The following EIF2S3 variants were observed in gnomAD, a reference collection of about 807,000 sequenced individuals.
The protein encoded by EIF2S3 is eukaryotic translation initiation factor 2 subunit 3.
EIF2S3 carries 2 observed loss-of-function variants against 31.7 expected under a neutral mutation model. The observed-to-expected ratio is 0.06, with a 90% CI of 0.03 to 0.20. EIF2S3 has a LOEUF of 0.20. Among genes scored for constraint, EIF2S3 ranks in the 10% least tolerant of loss-of-function variants. EIF2S3 has a pLI of 1.00. For missense variants in EIF2S3, 96 were observed against 359.3 expected (o/e 0.27, Z 5.92); for synonymous variants, 120 against 126.7 (o/e 0.95, Z 0.36).
intron 11 of EIF2S3, 61 bp from the exon 12 acceptor site, chrX:24,076,661 G>A: frequency 9.3e-7 from 1 of 1,075,783 alleles, no homozygotes; most frequent in Non-Finnish European, 1.3e-6. Flanking sequence ...TCACAAGATT[G>A]TGTGGTAATG....
At chrX:24,063,200 G>A (rs772029407) in intron 6 of EIF2S3, among the ~76,000 whole-genome samples, 1 of 112,165 alleles carries the variant, frequency 8.9e-6, no homozygotes, top group African/African-American at 3.2e-5. Flanking sequence ...CCGAGATCAC[G>A]CCATTGCACT....
chrX:24,060,518 GTGTA>G (rs755957135), intron 5 of EIF2S3: 1 of 260,109 alleles, frequency 3.8e-6, no homozygotes, highest in African/African-American at 2.7e-5. Context: ...GTTTGTGTGT[GTGTA>G]TGTCTGAACT....
At position 24,062,400 on chromosome X, in the gene EIF2S3, A is replaced by T. The variant is rs1392741059; in HGVS notation, c.479-16A>T. The T allele has an allele frequency of 1.7e-6, 2 of 1,180,458 alleles. No homozygotes were observed. The highest frequency in any genetic ancestry group is 1.9e-5 in the South Asian group (1 of 52,159). On this transcript the variant is annotated splice_polypyrimidine_tract_variant and intron_variant, in intron 5 of 11. Transcript: ENST00000253039. ...AGCTATTCTTATATGCATCTTTTTT[A>T]TTCTTCATCAACTAGCTGGTAATGA...
In EIF2S3 at chrX:24,055,054, G is replaced by A. The variant is rs1266329609; in HGVS notation, c.69+17G>A. ...ACCACCTTGGTGAGGTTTTGCTTGG[G>A]GAGGATGCAGAGTGAGCTCAGGAGT... is the stretch of plus-strand genomic sequence containing the variant. On this transcript the variant is annotated intron_variant, in intron 1 of 11. Coordinates refer to ENST00000253039, the MANE Select transcript of EIF2S3 (RefSeq NM_001415.4). 1.4e-5 allele frequency: 17 copies of A among 1,207,513 alleles called. No individual in the cohort carries two copies. Among genetic ancestry groups the A allele is most frequent in the Admixed American group, 4.4e-5 (2 of 45,647 alleles).
At chrX:24,072,171 G>A (rs770231571) in intron 10 of EIF2S3, among the ~76,000 whole-genome samples, 10 of 111,706 alleles carry the variant, frequency 9.0e-5, no homozygotes, top group Non-Finnish European at 1.9e-4. Flanking sequence ...GAGCCACTGC[G>A]TCCGGCCAAA....
intron 5 of EIF2S3, among the ~76,000 whole-genome samples, 182 bp from the exon 6 acceptor site, chrX:24,062,234 G>T (rs1413351732): frequency 9.0e-6 from 1 of 110,502 alleles, no homozygotes. Context: ...CAGAACTTTT[G>T]TATCAGAACT....
intron 4 of EIF2S3, among the ~76,000 whole-genome samples, chrX:24,058,835 C>T (rs1040086500): frequency 3.6e-5 from 4 of 109,922 alleles, no homozygotes; most frequent in Admixed American, 9.8e-5. Flanking sequence ...GTGATCCGTC[C>T]GCCTCGGCCT....
chrX:24,065,884 C>A, intron 7 of EIF2S3, 114 bp from the exon 8 acceptor site: 1 of 577,554 alleles, frequency 1.7e-6, no homozygotes, highest in Non-Finnish European at 2.7e-6. Context: ...GTTAAAAAGG[C>A]ACCCCTTTGG....
rs1236761845 is a variant in EIF2S3 at position 24,076,911 on chromosome X, C to T, written c.*126C>T. 4 of 259,192 alleles carry T rather than the reference C, an allele frequency of 1.5e-5. No homozygotes were observed. The highest frequency in any genetic ancestry group is 2.5e-5 in the Non-Finnish European group (4 of 159,278). 21.4% of individuals were successfully genotyped at this position (259,192 alleles called of 1,213,427 possible). A position where few individuals can be genotyped will look rare whatever the true frequency, so the allele number is the denominator to read the frequency against. ...CACAGTTCGTTACCTTAGTAGGTAA[C>T]GGTAAGGTTATTCTCTTTTTTTTTT... On this transcript the variant is annotated 3_prime_UTR_variant, in exon 12 of 12. Coordinates refer to ENST00000253039, the MANE Select transcript of EIF2S3 (RefSeq NM_001415.4).
At chrX:24,066,734 GAACTCCTTACCTC>G (rs1930581091) in intron 8 of EIF2S3, among the ~76,000 whole-genome samples, 1 of 110,741 alleles carries the variant, frequency 9.0e-6, no homozygotes, top group Non-Finnish European at 1.9e-5. Flanking sequence ...GGCTGGTCTT[GAACTCCTTACCTC>G]AAGTGATCCA....
At chrX:24,062,366 G>A in intron 5 of EIF2S3, 50 bp from the exon 6 acceptor site, 1 of 1,151,319 alleles carries the variant, frequency 8.7e-7, no homozygotes, top group South Asian at 2.1e-5. Context: ...GCCTATTCTG[G>A]ATATTTCCAG....
intron 8 of EIF2S3, 143 bp downstream of exon 8, chrX:24,066,235 G>A: frequency 2.5e-6 from 1 of 396,278 alleles, no homozygotes; most frequent in Non-Finnish European, 4.2e-6. Flanking sequence ...TCTGGTATTT[G>A]ATGTAGAGTT....
At chrX:24,065,904 C>A in intron 7 of EIF2S3, 94 bp from the exon 8 acceptor site, 1 of 793,756 alleles carries the variant, frequency 1.3e-6, no homozygotes, top group Non-Finnish European at 1.8e-6. Flanking sequence ...GTATAAATCT[C>A]AAATGGCCAC....
intron 11 of EIF2S3, 74 bp from the exon 12 acceptor site, chrX:24,076,648 T>C: frequency 9.5e-7 from 1 of 1,055,969 alleles, no homozygotes; most frequent in African/African-American, 1.9e-5. Context: ...CAGGTAAAAT[T>C]TATCACAAGA....
chrX:24,078,565 T>TA lies in EIF2S3; in HGVS notation c.*1781dup, dbSNP rs1476192130. Among the ~76,000 whole-genome samples the TA allele has an allele frequency of 8.9e-6, 1 of 111,976 alleles. No individual in the cohort carries two copies. The highest frequency in any genetic ancestry group is 3.2e-5 in the African/African-American group (1 of 30,877). On this transcript the variant is annotated 3_prime_UTR_variant, in exon 12 of 12. Transcript: ENST00000253039. The stretch of plus-strand genomic sequence containing the variant: ...GTAGGTATATTAAATTACAGAATCT[T>TA]ACTGAGTTTTGGTAGACTGATAATA...
chrX:24,066,662 C>T (rs1230752576), intron 8 of EIF2S3, among the ~76,000 whole-genome samples: 3 of 110,252 alleles, frequency 2.7e-5, no homozygotes. Flanking sequence ...TACAAGCACC[C>T]CCCACCATGC....
intron 9 of EIF2S3, among the ~76,000 whole-genome samples, chrX:24,069,686 C>CTTT (rs754589833): frequency 0.01 from 634 of 60,871 alleles, 12 homozygotes; most frequent in African/African-American, 0.013. Context: ...TTTTTAATTT[C>CTTT]TTTTTTTTTT....
chrX:24,062,880 A>T (rs1207107768), intron 6 of EIF2S3, among the ~76,000 whole-genome samples: 2 of 112,135 alleles, frequency 1.8e-5, no homozygotes, highest in African/African-American at 3.2e-5. Flanking sequence ...AAATAATTTT[A>T]AAAAACCTTG....
chrX:24,061,564 CAAA>C (rs759724351), intron 5 of EIF2S3, among the ~76,000 whole-genome samples: 2 of 105,555 alleles, frequency 1.9e-5, no homozygotes, highest in Non-Finnish European at 3.9e-5. Flanking sequence ...GACTCAGTCT[CAAA>C]AAAAAAATTT....
Sources: allele counts gnomAD v4.1 joint callset (sites outside exome capture counted in the v4.1 genomes callset), GRCh38; gene constraint gnomAD v4.1.1; transcripts MANE v1.5; gene names NCBI Gene and HGNC (gene_info 2026-07-23, HGNC 2026-07-21).